RRP1B: variants seen among roughly 807,000 people sequenced by gnomAD.
The protein encoded by RRP1B is ribosomal RNA processing protein 1 homolog B.
In RRP1B, 56 loss-of-function variants were observed where a neutral mutation model predicts 80.2. The observed-to-expected ratio is 0.70, with a 90% CI of 0.56 to 0.87. The LOEUF is 0.87. Ranked by LOEUF, RRP1B falls within the 40% of genes least tolerant of loss-of-function variation. The probability of loss-of-function intolerance (pLI) is 0.00; values close to 1 mark genes in which losing one functional copy is unlikely to be tolerated. For missense variants in RRP1B, 807 were observed against 939.8 expected, an observed-to-expected ratio of 0.86 and a Z score of 1.85; for synonymous variants, 351 against 357.6, an observed-to-expected ratio of 0.98 and a Z score of 0.21.
Position 43,659,599 on chromosome 21 carries a change from C to A in RRP1B, c.-66C>A, listed in dbSNP as rs2082938072. On this transcript the variant is annotated 5_prime_UTR_variant, in exon 1 of 16. Coordinates refer to ENST00000340648, the MANE Select transcript of RRP1B (RefSeq NM_015056.3). The surrounding 1 kb of genome is among the most constrained non-coding windows in gnomAD (Gnocchi z 4.2). ...CCCGGGCGGACGGTGGCTGGCTGCT[C>A]CGCAGCGCTCGGCTGGCTGCAGCGG... is the stretch of plus-strand genomic sequence containing the variant. 7.5e-7 allele frequency: 1 copy of A among 1,340,456 alleles called. No individual in the cohort carries two copies. Among genetic ancestry groups the A allele is most frequent in the Non-Finnish European group, 9.5e-7 (1 of 1,047,302 alleles). 83.0% of individuals were successfully genotyped at this position (1,340,456 alleles called of 1,614,324 possible).
chr21:43,660,035 A>G (rs1444033470), intron 1 of RRP1B, among the ~76,000 whole-genome samples: 2 of 152,188 alleles, frequency 1.3e-5, no homozygotes, highest in Non-Finnish European at 2.9e-5. Context: ...GAAGCTGAGA[A>G]AAGACCCACA....
intron 8 of RRP1B, among the ~76,000 whole-genome samples, chr21:43,679,677 A>G (rs1306654600): frequency 6.6e-6 from 1 of 152,098 alleles, no homozygotes; most frequent in Non-Finnish European, 1.5e-5. Flanking sequence ...AAGAATGATG[A>G]TGGTATTTTT....
At chr21:43,669,185 A>G (rs1043523650) in intron 1 of RRP1B, among the ~76,000 whole-genome samples, 7 of 152,220 alleles carry the variant, frequency 4.6e-5, no homozygotes, top group Non-Finnish European at 7.4e-5. Context: ...GTGATGCCAC[A>G]GTAAATGATC....
At chr21:43,675,355 C>T (rs1568957018) in intron 6 of RRP1B, among the ~76,000 whole-genome samples, 192 bp downstream of exon 6, 1 of 152,202 alleles carries the variant, frequency 6.6e-6, no homozygotes, top group Non-Finnish European at 1.5e-5. Context: ...ATGTACATGA[C>T]AGTCTTACCT....
intron 10 of RRP1B, 55 bp downstream of exon 10, chr21:43,684,705 T>G: frequency 3.5e-6 from 5 of 1,419,666 alleles, no homozygotes; most frequent in Non-Finnish European, 5.0e-6. Context: ...TCTCATCTCC[T>G]GGTGTGGGAC....
At chr21:43,673,828 T>C (rs2083009909) in intron 3 of RRP1B, 42 bp from the exon 4 acceptor site, 1 of 1,302,228 alleles carries the variant, frequency 7.7e-7, no homozygotes, top group African/African-American at 1.5e-5. Context: ...GGTAGTATGT[T>C]GATGTGGAAG....
intron 11 of RRP1B, 197 bp from the exon 12 acceptor site, chr21:43,686,607 G>A (rs1330139171): frequency 1.7e-6 from 1 of 573,926 alleles, no homozygotes; most frequent in African/African-American, 1.9e-5. Flanking sequence ...GTGATCCCTT[G>A]CCTTGCCTTG....
Position 43,674,702 on chromosome 21 carries a change from G to T in RRP1B, c.419+5G>T. 1 of 1,602,520 alleles carries T rather than the reference G, an allele frequency of 6.2e-7. No homozygotes were observed. ...GCGAAATGGCTGGGAAGAAAGGTCA[G>T]TAAACCATTTGAGTTAGCATGTGGT... On this transcript the variant is annotated splice_donor_5th_base_variant and intron_variant, in intron 5 of 15. Coordinates refer to ENST00000340648, the MANE Select transcript of RRP1B (RefSeq NM_015056.3).
chr21:43,691,100 T>C lies in RRP1B; in HGVS notation c.2020-339T>C, dbSNP rs903200231. ...AACTGTTTTTAGGACAGTTCAGGCA[T>C]CCTCTCTGTTTGCCTTTCTTCCCTG... On this transcript the variant is annotated intron_variant, in intron 14 of 15. Coordinates refer to ENST00000340648, the MANE Select transcript of RRP1B (RefSeq NM_015056.3). This position sits in a 1 kb window ranked among gnomAD's most constrained non-coding sequence, Gnocchi z 4.2. Among the ~76,000 whole-genome samples, 3 of 152,214 alleles carry C rather than the reference T, an allele frequency of 2.0e-5. No individual in the cohort carries two copies. The highest frequency in any genetic ancestry group is 7.2e-5 in the African/African-American group (3 of 41,456).
At chr21:43,665,713 C>G (rs1241437923) in intron 1 of RRP1B, among the ~76,000 whole-genome samples, 1 of 152,012 alleles carries the variant, frequency 6.6e-6, no homozygotes, top group East Asian at 1.9e-4. Flanking sequence ...TGGGATCTGA[C>G]TGTTAAAGAG....
At chr21:43,683,237 T>C (rs2083050467) in intron 8 of RRP1B, 42 bp from the exon 9 acceptor site, 2 of 1,501,050 alleles carry the variant, frequency 1.3e-6, no homozygotes, top group African/African-American at 2.8e-5. Flanking sequence ...CTTCTGTGTA[T>C]TTGATATGTC....
chr21:43,692,200 G>A (rs1167486344), intron 15 of RRP1B, among the ~76,000 whole-genome samples: 1 of 152,182 alleles, frequency 6.6e-6, no homozygotes, highest in East Asian at 1.9e-4. Flanking sequence ...GCGAAACTTC[G>A]GAACCACTTG....
intron 2 of RRP1B, among the ~76,000 whole-genome samples, chr21:43,670,785 G>A (rs566591047): frequency 6.6e-6 from 1 of 152,270 alleles, no homozygotes; most frequent in South Asian, 2.1e-4. Flanking sequence ...GGACACCCCT[G>A]AGGTAGAGGA....
In RRP1B at chr21:43,659,919, G is replaced by A. The variant is rs938821669; in HGVS notation, c.130+125G>A. On this transcript the variant is annotated intron_variant, in intron 1 of 15. Transcript: ENST00000340648. The surrounding 1 kb of genome is among the most constrained non-coding windows in gnomAD (Gnocchi z 4.2). ...TGTCGTGACACCCAGCGTGTGCTTC[G>A]GTTTCCGCGCTGCCGGAACCGCTTC... 4.4e-6 allele frequency: 5 copies of A among 1,124,096 alleles called. No individual in the cohort carries two copies. The highest frequency in any genetic ancestry group is 1.6e-5 in the African/African-American group (1 of 60,824). The allele number at this position is 1,124,096 out of a possible 1,614,324, so 69.6% of individuals were successfully genotyped here. A position where few individuals can be genotyped will look rare whatever the true frequency, so the allele number is the denominator to read the frequency against.
At chr21:43,677,298 T>C (rs897080101) in intron 8 of RRP1B, among the ~76,000 whole-genome samples, 15 of 152,256 alleles carry the variant, frequency 9.9e-5, no homozygotes, top group African/African-American at 3.6e-4. Context: ...CGCTTGTTTC[T>C]GTGGCTGTCC....
intron 11 of RRP1B, 99 bp downstream of exon 11, chr21:43,685,888 C>T: frequency 7.0e-7 from 1 of 1,433,190 alleles, no homozygotes; most frequent in Non-Finnish European, 9.5e-7. Flanking sequence ...ATTGAAAGAA[C>T]TTTACTGAAA....
In RRP1B at chr21:43,687,637, A is replaced by G. The variant is rs7279959; in HGVS notation, c.1263A>G (p.Pro421=). Residue 421 remains proline, a synonymous_variant, in exon 13 of 16, where the codon CCA becomes CCG. Transcript: ENST00000340648. The stretch of plus-strand genomic sequence containing the variant: ...ATCCAGGCCCAGGGGGTGCAGCCCC[A>G]TCCCTGGAACAGAACCGGGGCAGGG... ...PENPGPGGAA[P]SLEQNRGREP... The G allele has an allele frequency of 0.99, 1,552,693 of 1,561,712 alleles. 772,618 individuals carry two copies. The highest frequency in any genetic ancestry group is 1 in the Non-Finnish European group (1,154,638 of 1,154,772).
At chr21:43,681,577 C>T (rs912748032) in intron 8 of RRP1B, among the ~76,000 whole-genome samples, 1 of 152,160 alleles carries the variant, frequency 6.6e-6, no homozygotes, top group South Asian at 2.1e-4. Context: ...TCAGTTGATC[C>T]GCCCGCCTGG....
intron 7 of RRP1B, among the ~76,000 whole-genome samples, 184 bp from the exon 8 acceptor site, chr21:43,676,549 C>G (rs952366580): frequency 1.3e-5 from 2 of 152,264 alleles, no homozygotes; most frequent in African/African-American, 2.4e-5. Flanking sequence ...ACCCAAAGAT[C>G]TGACCGCTGG....
Sources: allele counts gnomAD v4.1 joint callset (sites outside exome capture counted in the v4.1 genomes callset), GRCh38; gene constraint gnomAD v4.1.1; non-coding constraint Gnocchi (gnomAD v3.1); transcripts MANE v1.5; gene names NCBI Gene and HGNC (gene_info 2026-07-23, HGNC 2026-07-21).